DNAJC10: variants seen among roughly 807,000 people sequenced by gnomAD.
DNAJC10 encodes the protein endoplasmic reticulum disulfide reductase DNAJC10.
DNAJC10 carries 101 observed loss-of-function variants against 115.0 expected under a neutral mutation model. The observed-to-expected ratio is 0.88, with a 90% CI of 0.75 to 1.04. DNAJC10 has a LOEUF of 1.04. Ranked by LOEUF, DNAJC10 falls within the 50% of genes least tolerant of loss-of-function variation. The probability of loss-of-function intolerance (pLI) is 0.00; values close to 1 mark genes in which losing one functional copy is unlikely to be tolerated. For missense variants in DNAJC10, 981 were observed against 928.8 expected, an observed-to-expected ratio of 1.06 and a Z score of -0.73; for synonymous variants, 307 against 301.5, an observed-to-expected ratio of 1.02 and a Z score of -0.19.
chr2:182,791,905 T>C lies in DNAJC10; in HGVS notation c.*14773T>C, dbSNP rs1216681570. On this transcript the variant is annotated 3_prime_UTR_variant, in exon 24 of 24. Transcript: ENST00000264065. ...GGATGTTTAAAGCGTTTAAAAGTTA[T>C]GTTTTGCATTTTACAACATATTGAA... 6.6e-6 allele frequency: 1 copy of C among 152,216 alleles called. No homozygotes were observed. Among genetic ancestry groups the C allele is most frequent in the Non-Finnish European group, 1.5e-5 (1 of 68,030 alleles). 9.4% of individuals were successfully genotyped at this position (152,216 alleles called of 1,614,324 possible).
At chr2:182,735,983 A>T (rs775681694) in intron 10 of DNAJC10, among the ~76,000 whole-genome samples, 119 of 152,120 alleles carry the variant, frequency 7.8e-4, no homozygotes, top group Admixed American at 5.7e-3. Flanking sequence ...GTGGATTCGT[A>T]GAAAGAATTA....
At chr2:182,750,968 T>A (rs1366433652) in intron 14 of DNAJC10, among the ~76,000 whole-genome samples, 1 of 152,072 alleles carries the variant, frequency 6.6e-6, no homozygotes, top group Non-Finnish European at 1.5e-5. Context: ...GGGCAGTTGG[T>A]AATATGGGTT....
At position 182,783,857 on chromosome 2, in the gene DNAJC10, A is replaced by G. The variant is rs1694898916; in HGVS notation, c.*6725A>G. 6.6e-6 allele frequency: 1 copy of G among 152,188 alleles called. No individual in the cohort carries two copies. The highest frequency in any genetic ancestry group is 2.4e-5 in the African/African-American group (1 of 41,446). The allele number at this position is 152,188 out of a possible 1,614,324, so 9.4% of individuals were successfully genotyped here. On this transcript the variant is annotated 3_prime_UTR_variant, in exon 24 of 24. Coordinates refer to ENST00000264065, the MANE Select transcript of DNAJC10 (RefSeq NM_018981.4). ...TCTGTCAATAATCACCAAAGAACTC[A>G]AGAATGAATAACATGATCTATCAAA...
intron 22 of DNAJC10, among the ~76,000 whole-genome samples, chr2:182,774,354 G>A (rs754909761): frequency 1.4e-4 from 22 of 152,174 alleles, no homozygotes; most frequent in Non-Finnish European, 2.5e-4. Context: ...CTCAAATGCC[G>A]TTCTGGGAGA....
chr2:182,765,533 C>T (rs1193333205), intron 22 of DNAJC10, among the ~76,000 whole-genome samples: 1 of 152,172 alleles, frequency 6.6e-6, no homozygotes, highest in Non-Finnish European at 1.5e-5. Context: ...CCACCAGATA[C>T]TTAAGAAACC....
intron 5 of DNAJC10, among the ~76,000 whole-genome samples, chr2:182,726,141 A>T (rs184078): frequency 6.6e-6 from 1 of 151,934 alleles, no homozygotes; most frequent in Non-Finnish European, 1.5e-5. Context: ...GTTCATTCCA[A>T]CCTTCATGGA....
At chr2:182,724,346 A>C (rs1261455655) in intron 5 of DNAJC10, among the ~76,000 whole-genome samples, 1 of 152,212 alleles carries the variant, frequency 6.6e-6, no homozygotes, top group East Asian at 1.9e-4. Context: ...GCAAATTACA[A>C]ATTTTACTCA....
At chr2:182,722,656 C>G (rs998708559) in intron 5 of DNAJC10, among the ~76,000 whole-genome samples, 3 of 151,972 alleles carry the variant, frequency 2.0e-5, no homozygotes, top group African/African-American at 7.2e-5. Context: ...AACTAAAATA[C>G]AGCCAGGCGC....
chr2:182,730,991 T>C (rs1693429572), intron 8 of DNAJC10, 39 bp from the exon 9 acceptor site: 1 of 1,384,160 alleles, frequency 7.2e-7, no homozygotes, highest in South Asian at 1.2e-5. Flanking sequence ...AAAGGAGTAA[T>C]AGGTGATCAG....
intron 11 of DNAJC10, 74 bp from the exon 12 acceptor site, chr2:182,740,225 A>G (rs1449397237): frequency 8.3e-7 from 1 of 1,201,190 alleles, no homozygotes; most frequent in African/African-American, 1.6e-5. Flanking sequence ...TACATTGGAA[A>G]TTGAAAAAAC....
At chr2:182,724,633 C>G (rs438248) in intron 5 of DNAJC10, among the ~76,000 whole-genome samples, 2 of 151,868 alleles carry the variant, frequency 1.3e-5, no homozygotes, top group African/African-American at 4.8e-5. Flanking sequence ...TAATCTGTAC[C>G]TTACAGGCAA....
intron 18 of DNAJC10, 60 bp from the exon 19 acceptor site, chr2:182,757,632 A>G: frequency 7.7e-7 from 1 of 1,294,630 alleles, no homozygotes; most frequent in Non-Finnish European, 1.0e-6. Flanking sequence ...TACAATGCTT[A>G]TTTCTTTATT....
chr2:182,748,267 C>T (rs990433597), intron 14 of DNAJC10, among the ~76,000 whole-genome samples: 1 of 151,610 alleles, frequency 6.6e-6, no homozygotes, highest in Non-Finnish European at 1.5e-5. Flanking sequence ...GGAGGATTCC[C>T]TCTTTTTCTA....
chr2:182,743,485 T>A, intron 13 of DNAJC10, 113 bp from the exon 14 acceptor site: 1 of 702,376 alleles, frequency 1.4e-6, no homozygotes, highest in African/African-American at 1.8e-5. Flanking sequence ...CCTATTAGCT[T>A]CTGTTTAAAA....
intron 22 of DNAJC10, among the ~76,000 whole-genome samples, chr2:182,764,962 A>G (rs1455468631): frequency 6.6e-6 from 1 of 152,180 alleles, no homozygotes; most frequent in East Asian, 1.9e-4. Context: ...CTAATCAAGT[A>G]AGGTGTCATT....
In DNAJC10 at chr2:182,764,612, T is replaced by C. The variant is rs187595014; in HGVS notation, c.2265+1811T>C. ...TACCAACTACTGGAAGAGACTTTAATACTATAAAAGGATTGATTCTGCTCT... is the reference window on the plus strand; with the variant it reads ...TACCAACTACTGGAAGAGACTTTAACACTATAAAAGGATTGATTCTGCTCT... On this transcript the variant is annotated intron_variant, in intron 22 of 23. Coordinates refer to ENST00000264065, the MANE Select transcript of DNAJC10 (RefSeq NM_018981.4). Among the ~76,000 whole-genome samples the C allele has an allele frequency of 7.7e-4, 117 of 152,190 alleles. 2 individuals carry two copies. Among genetic ancestry groups the C allele is most frequent in the East Asian group, 1.9e-3 (10 of 5,166 alleles).
In DNAJC10 at chr2:182,719,798, CT is replaced by C. The variant is rs35682380; in HGVS notation, c.205-191del. ...GTCAATTATTTCATTACTTTTCTTACTTTTTTTTTTTTTTTTTTGAAGATTA... is the reference window on the plus strand; with the variant it reads ...GTCAATTATTTCATTACTTTTCTTACTTTTTTTTTTTTTTTTTGAAGATTA... On this transcript the variant is annotated intron_variant, in intron 3 of 23. Coordinates refer to ENST00000264065, the MANE Select transcript of DNAJC10 (RefSeq NM_018981.4). Among the ~76,000 whole-genome samples, 591 of 122,158 alleles carry C rather than the reference CT, an allele frequency of 4.8e-3. 5 individuals carry two copies. Among genetic ancestry groups the C allele is most frequent in the African/African-American group, 0.013 (432 of 32,046 alleles). 80.1% of individuals were successfully genotyped at this position (122,158 alleles called of 152,430 possible). A position where few individuals can be genotyped will look rare whatever the true frequency, so the allele number is the denominator to read the frequency against.
In DNAJC10 at chr2:182,752,083, A is replaced by G. The variant is rs1321608727; in HGVS notation, c.1446A>G (p.Pro482=). ...TTTTTCTTTCCTAGTGGTGTCCACCATGTCGAGCTTTACTACCAGAGTTAC... is the reference window on the plus strand; with the variant it reads ...TTTTTCTTTCCTAGTGGTGTCCACCGTGTCGAGCTTTACTACCAGAGTTAC... ...LVDFFAPWCP[P]CRALLPELRR... The change falls in exon 16 of 24, where the codon CCA becomes CCG. Residue 482 remains proline (P), a synonymous_variant. Transcript: ENST00000264065. 2 of 1,613,062 alleles carry G rather than the reference A, an allele frequency of 1.2e-6. No individual in the cohort carries two copies. Among genetic ancestry groups the G allele is most frequent in the South Asian group, 1.1e-5 (1 of 90,912 alleles).
intron 4 of DNAJC10, among the ~76,000 whole-genome samples, chr2:182,721,468 T>C (rs1036262456): frequency 6.6e-6 from 1 of 152,160 alleles, no homozygotes; most frequent in Non-Finnish European, 1.5e-5. Context: ...GCCTAAAAAA[T>C]GTATATTTAC....
Sources: gnomAD v4.1 joint callset for allele counts (sites outside exome capture counted in the v4.1 genomes callset) on GRCh38, gnomAD v4.1.1 for gene constraint, MANE v1.5 for transcripts, NCBI Gene and HGNC (gene_info 2026-07-23, HGNC 2026-07-21) for gene names.